Variants in CNTNAP2 observed in about 807,000 individuals in gnomAD.
The protein encoded by CNTNAP2 is contactin associated protein 2.
In CNTNAP2, 98 loss-of-function variants were observed where a neutral mutation model predicts 155.2. The ratio of observed to expected loss-of-function variants is 0.63; its 90% CI spans 0.54 to 0.75. The LOEUF (loss-of-function observed/expected upper bound fraction) is 0.75, where lower values mean the gene tolerates loss of function less well. CNTNAP2 is among the 30% of genes least tolerant of loss of function. CNTNAP2 has a pLI of 0.00. For missense variants in CNTNAP2, 1,727 were observed against 1,688.1 expected (o/e 1.02, Z -0.40); for synonymous variants, 651 against 631.2 (o/e 1.03, Z -0.47).
At chr7:148,317,158 C>T (rs1720662857) in intron 21 of CNTNAP2, among the ~76,000 whole-genome samples, 1 of 152,154 alleles carries the variant, frequency 6.6e-6, no homozygotes, top group Admixed American at 6.6e-5. Context: ...GAGTTTGAGA[C>T]CATCCTGACC....
intron 16 of CNTNAP2, among the ~76,000 whole-genome samples, chr7:148,139,367 G>A (rs1805016066): frequency 6.6e-6 from 1 of 152,150 alleles, no homozygotes; most frequent in African/African-American, 2.4e-5. Context: ...TAATATGACA[G>A]GCAATACAGT....
chr7:146,306,279 A>G (rs970507186), intron 1 of CNTNAP2, among the ~76,000 whole-genome samples: 1 of 152,148 alleles, frequency 6.6e-6, no homozygotes, highest in African/African-American at 2.4e-5. Flanking sequence ...AAAAACGTCC[A>G]GGACCAGATG....
At chr7:146,909,024 C>G (rs370951898) in intron 3 of CNTNAP2, among the ~76,000 whole-genome samples, 51 of 151,150 alleles carry the variant, frequency 3.4e-4, no homozygotes, top group African/African-American at 1.2e-3. Context: ...ACTACAAACA[C>G]CTCTACGCAA....
At chr7:147,533,662 T>C (rs1463660639) in intron 11 of CNTNAP2, among the ~76,000 whole-genome samples, 1 of 150,106 alleles carries the variant, frequency 6.7e-6, no homozygotes, top group African/African-American at 2.5e-5. Flanking sequence ...TCCCAGCTAC[T>C]CAGGAGGCTG....
At chr7:147,821,322 T>G (rs1034891622) in intron 13 of CNTNAP2, among the ~76,000 whole-genome samples, 3 of 152,128 alleles carry the variant, frequency 2.0e-5, no homozygotes, top group Non-Finnish European at 4.4e-5. Context: ...CATTAGATAT[T>G]TTTTGGGCCT....
At chr7:147,259,662 G>GAAGCACTGTGT (rs1804412342) in intron 8 of CNTNAP2, among the ~76,000 whole-genome samples, 1 of 152,076 alleles carries the variant, frequency 6.6e-6, no homozygotes, top group Admixed American at 6.6e-5. Context: ...GTGTTTCTTT[G>GAAGCACTGTGT]TTCTTAAAAA....
chr7:146,945,878 T>C (rs1797158847), intron 3 of CNTNAP2, among the ~76,000 whole-genome samples: 1 of 152,160 alleles, frequency 6.6e-6, no homozygotes, highest in Non-Finnish European at 1.5e-5. Flanking sequence ...TTTCTTTGTC[T>C]CTTTATATTT....
At chr7:147,496,123 A>G (rs1798703606) in intron 11 of CNTNAP2, among the ~76,000 whole-genome samples, 1 of 152,182 alleles carries the variant, frequency 6.6e-6, no homozygotes, top group Non-Finnish European at 1.5e-5. Flanking sequence ...ATTTTACATT[A>G]TGGTGAGTTG....
rs1437294739 is a variant in CNTNAP2 at position 146,596,559 on chromosome 7, C to T, written c.98-177712C>T. On this transcript the variant is annotated intron_variant, in intron 1 of 23. Transcript: ENST00000361727. ...AAAGAATTTTTGGCCACATTCACCC[C>T]CCCAGCCTCCAAGAAAGAGAGAGAT... Among the ~76,000 whole-genome samples, 5 of 149,022 alleles carry T rather than the reference C, an allele frequency of 3.4e-5. No individual in the cohort carries two copies. In the South Asian group the frequency reaches 8.6e-4, roughly 25 times the overall value.
intron 16 of CNTNAP2, among the ~76,000 whole-genome samples, chr7:148,145,537 G>T (rs116405327): frequency 0.02 from 3,003 of 152,284 alleles, 104 homozygotes; most frequent in African/African-American, 0.068. Context: ...CTTGATGGCA[G>T]TTGATGCCTT....
chr7:146,861,703 C>T (rs1795104809), intron 3 of CNTNAP2, among the ~76,000 whole-genome samples: 1 of 152,120 alleles, frequency 6.6e-6, no homozygotes, highest in Admixed American at 6.5e-5. Context: ...TCTCAGTATC[C>T]TACAGGCCTG....
At chr7:146,921,126 T>G (rs2129220000) in intron 3 of CNTNAP2, among the ~76,000 whole-genome samples, 1 of 152,210 alleles carries the variant, frequency 6.6e-6, no homozygotes, top group South Asian at 2.1e-4. Context: ...TCCTGGGGCA[T>G]GCAGCAGCAG....
chr7:146,956,283 G>A (rs1797433913), intron 3 of CNTNAP2, among the ~76,000 whole-genome samples: 1 of 152,026 alleles, frequency 6.6e-6, no homozygotes, highest in Non-Finnish European at 1.5e-5. Flanking sequence ...GCATGACCGT[G>A]GTAATATCAA....
At chr7:148,090,206 T>C (rs112754199) in intron 15 of CNTNAP2, among the ~76,000 whole-genome samples, 1,590 of 152,094 alleles carry the variant, frequency 0.01, 31 homozygotes, top group African/African-American at 0.037. Flanking sequence ...AAAAGATTTT[T>C]TGGCTATGAC....
intron 1 of CNTNAP2, among the ~76,000 whole-genome samples, chr7:146,384,911 A>G (rs1795438959): frequency 6.6e-6 from 1 of 152,194 alleles, no homozygotes; most frequent in African/African-American, 2.4e-5. Context: ...ATAATAATTG[A>G]GGGCGGTAAA....
At chr7:146,632,841 T>C (rs1177979148) in intron 1 of CNTNAP2, among the ~76,000 whole-genome samples, 2 of 151,968 alleles carry the variant, frequency 1.3e-5, no homozygotes, top group African/African-American at 2.4e-5. Flanking sequence ...CCTGAATTTA[T>C]AGTAAAAGAT....
chr7:148,274,763 A>C (rs1023908412), intron 21 of CNTNAP2, among the ~76,000 whole-genome samples: 2 of 152,200 alleles, frequency 1.3e-5, no homozygotes, highest in East Asian at 3.8e-4. Flanking sequence ...TAAATTACCC[A>C]GTCTCAGATG....
intron 8 of CNTNAP2, among the ~76,000 whole-genome samples, chr7:147,282,747 T>TTATTAC (rs1304399138): frequency 1.3e-5 from 2 of 151,786 alleles, no homozygotes; most frequent in Non-Finnish European, 2.9e-5. Flanking sequence ...TATTATTAAT[T>TTATTAC]TATTACTATT....
intron 3 of CNTNAP2, among the ~76,000 whole-genome samples, chr7:146,930,640 C>G (rs1416731228): frequency 6.6e-6 from 1 of 152,076 alleles, no homozygotes; most frequent in Non-Finnish European, 1.5e-5. Context: ...CACAGACTGG[C>G]AAATTGGATA....
Sources: allele counts gnomAD v4.1 joint callset (sites outside exome capture counted in the v4.1 genomes callset), GRCh38; gene constraint gnomAD v4.1.1; transcripts MANE v1.5; gene names NCBI Gene and HGNC (gene_info 2026-07-23, HGNC 2026-07-21).